Variants in C12orf42 observed in about 807,000 individuals in gnomAD.
C12orf42 encodes the protein uncharacterized protein C12orf42.
In C12orf42, 25 loss-of-function variants were observed where a neutral mutation model predicts 21.6. The ratio of observed to expected loss-of-function variants is 1.16; its 90% CI spans 0.84 to 1.62. The LOEUF is 1.62. Ranked by LOEUF, C12orf42 falls within the 40% of genes most tolerant of loss-of-function variation. The pLI, the probability that C12orf42 is intolerant of heterozygous loss-of-function variation, is 0.00. For synonymous variants in C12orf42, 174 were observed against 175.0 expected, an observed-to-expected ratio of 0.99 and a Z score of 0.05; for missense variants, 483 against 459.3, an observed-to-expected ratio of 1.05 and a Z score of -0.47.
At chr12:103,189,770 G>A in the C12orf42 span, among the ~76,000 whole-genome samples, 22 of 152,304 alleles carry the variant, frequency 1.4e-4, no homozygotes, top group East Asian at 4.2e-3. Context: ...CCTACCCACA[G>A]ACCCAGGCAT....
chr12:103,103,850 G>T, the C12orf42 span, among the ~76,000 whole-genome samples: 1 of 150,888 alleles, frequency 6.6e-6, no homozygotes, highest in Non-Finnish European at 1.5e-5. Context: ...CGCCTGGCTG[G>T]AGTGCAGTGG....
intron 3 of C12orf42, among the ~76,000 whole-genome samples, chr12:103,374,911 T>C (rs1453142630): frequency 1.3e-5 from 2 of 152,228 alleles, no homozygotes; most frequent in Admixed American, 6.5e-5. Context: ...TTTGTCTTAG[T>C]TGGCATCAAT....
chr12:103,420,284 T>C (rs747830640), intron 2 of C12orf42, among the ~76,000 whole-genome samples: 2 of 152,208 alleles, frequency 1.3e-5, no homozygotes, highest in African/African-American at 4.8e-5. Flanking sequence ...CCTTTGTGCT[T>C]ACAAAAACAA....
chr12:103,543,327 G>A, the C12orf42 span, among the ~76,000 whole-genome samples: 8 of 152,096 alleles, frequency 5.3e-5, no homozygotes, highest in East Asian at 1.9e-4. Flanking sequence ...TTCTTAGGCC[G>A]GGCAGGCATG....
At chr12:103,498,375 A>G (rs1955626169), upstream of C12orf42, among the ~76,000 whole-genome samples, 1 of 152,256 alleles carries the variant, frequency 6.6e-6, no homozygotes, top group South Asian at 2.1e-4. Context: ...TGAATGAACA[A>G]ATGAATACTG....
chr12:103,420,741 G>A lies in C12orf42; in HGVS notation c.79-19066C>T, dbSNP rs1191204128. On this transcript the variant is annotated intron_variant, in intron 2 of 5. Transcript: ENST00000548883. ...TCACTATGTTGGCCAGACTGGTCTCGACTTCCTGACCTCGTGATCTGCCCG... is the reference window on the plus strand; with the variant it reads ...TCACTATGTTGGCCAGACTGGTCTCAACTTCCTGACCTCGTGATCTGCCCG... Among the ~76,000 whole-genome samples, 5 of 152,062 alleles carry A rather than the reference G, an allele frequency of 3.3e-5. No homozygotes were observed. The South Asian group carries it at 6.2e-4, about 19-fold the overall frequency.
the C12orf42 span, among the ~76,000 whole-genome samples, chr12:103,542,467 C>T: frequency 1.3e-5 from 2 of 152,220 alleles, no homozygotes; most frequent in East Asian, 1.9e-4. Flanking sequence ...GGTTTCAAGG[C>T]TTTTAAAGAC....
At chr12:103,423,656 A>T (rs909891326) in intron 2 of C12orf42, among the ~76,000 whole-genome samples, 1 of 152,196 alleles carries the variant, frequency 6.6e-6, no homozygotes, top group Non-Finnish European at 1.5e-5. Context: ...CTTGGAGCAG[A>T]TCAACATTTT....
chr12:103,255,887 T>G (rs2034540664), intron 10 of C12orf42, among the ~76,000 whole-genome samples: 1 of 149,476 alleles, frequency 6.7e-6, no homozygotes, highest in African/African-American at 2.5e-5. Flanking sequence ...CCGTCTCTAC[T>G]AAAAATACAA....
chr12:103,103,908 C>T, the C12orf42 span, among the ~76,000 whole-genome samples: 1 of 151,748 alleles, frequency 6.6e-6, no homozygotes, highest in Non-Finnish European at 1.5e-5. Flanking sequence ...TCAAGCGATT[C>T]TCCTGCCTCA....
At chr12:103,408,098 C>T (rs1382025232) in intron 2 of C12orf42, among the ~76,000 whole-genome samples, 1 of 152,190 alleles carries the variant, frequency 6.6e-6, no homozygotes, top group African/African-American at 2.4e-5. Flanking sequence ...TTCCTATCCC[C>T]TTGGCTTGGA....
intron 1 of C12orf42, among the ~76,000 whole-genome samples, chr12:103,494,112 A>G (rs1943730697): frequency 6.6e-6 from 1 of 152,316 alleles, no homozygotes; most frequent in Admixed American, 6.5e-5. Context: ...TTAAAATAAA[A>G]CAACCCTCTC....
chr12:103,529,397 G>A, the C12orf42 span, among the ~76,000 whole-genome samples: 7 of 152,338 alleles, frequency 4.6e-5, no homozygotes, highest in East Asian at 1.3e-3. Context: ...AAATGCTGTA[G>A]CAGCTCTGCA....
intron 4 of C12orf42, among the ~76,000 whole-genome samples, chr12:103,364,165 T>A (rs1487608959): frequency 6.6e-6 from 1 of 152,014 alleles, no homozygotes; most frequent in Non-Finnish European, 1.5e-5. Flanking sequence ...CACAGCAGAA[T>A]AAAACTGGAA....
the C12orf42 span, among the ~76,000 whole-genome samples, chr12:103,554,095 T>G: frequency 1.3e-5 from 2 of 152,176 alleles, no homozygotes; most frequent in Admixed American, 6.5e-5. Flanking sequence ...AGTTTTGACT[T>G]TGCAGGCCAT....
chr12:103,556,250 C>T, the C12orf42 span, among the ~76,000 whole-genome samples: 2,266 of 152,270 alleles, frequency 0.015, 58 homozygotes, highest in African/African-American at 0.052. Context: ...GATATTCATA[C>T]CTTCCTTGAT....
At chr12:103,328,265 C>A (rs763279154) in intron 4 of C12orf42, among the ~76,000 whole-genome samples, 1 of 151,988 alleles carries the variant, frequency 6.6e-6, no homozygotes, top group Non-Finnish European at 1.5e-5. Context: ...GCAGGGAGAA[C>A]TAAATGCTCT....
chr12:103,320,187 CT>C (rs2039947887), intron 4 of C12orf42, among the ~76,000 whole-genome samples: 1 of 152,194 alleles, frequency 6.6e-6, no homozygotes, highest in Non-Finnish European at 1.5e-5. Context: ...CCTTTCACTT[CT>C]TTGAAGCAGC....
the C12orf42 span, among the ~76,000 whole-genome samples, chr12:103,078,894 C>A: frequency 6.6e-6 from 1 of 152,096 alleles, no homozygotes; most frequent in Non-Finnish European, 1.5e-5. Flanking sequence ...CTTTATTTGA[C>A]GTCTTATACT....
Sources: gnomAD v4.1 joint callset for allele counts (sites outside exome capture counted in the v4.1 genomes callset) on GRCh38, gnomAD v4.1.1 for gene constraint, MANE v1.5 for transcripts, NCBI Gene and HGNC (gene_info 2026-07-23, HGNC 2026-07-21) for gene names.